Variants in HEPACAM2 observed in about 807,000 individuals in gnomAD.
HEPACAM2 encodes the protein mitotic kinetics regulator.
A neutral mutation model predicts 49.6 loss-of-function variants in HEPACAM2; 49 were observed. The observed-to-expected ratio is 0.99, with a 90% CI of 0.78 to 1.25. The LOEUF is 1.25. HEPACAM2 is among the 50% of genes most tolerant of loss of function. The pLI, the probability that HEPACAM2 is intolerant of heterozygous loss-of-function variation, is 0.00. For missense variants in HEPACAM2, 525 were observed against 557.2 expected (o/e 0.94, Z 0.58); for synonymous variants, 197 against 202.9 (o/e 0.97, Z 0.25).
chr7:93,213,140 C>G (rs1794218784), intron 3 of HEPACAM2, among the ~76,000 whole-genome samples: 1 of 151,806 alleles, frequency 6.6e-6, no homozygotes, highest in Non-Finnish European at 1.5e-5. Context: ...CTTTTTTCCC[C>G]TTTAATTTTT....
intron 4 of HEPACAM2, among the ~76,000 whole-genome samples, chr7:93,198,806 C>T (rs1283214732): frequency 6.6e-6 from 1 of 152,062 alleles, no homozygotes; most frequent in African/African-American, 2.4e-5. Flanking sequence ...TGCACTGTGT[C>T]ATCTTTCATC....
intron 4 of HEPACAM2, among the ~76,000 whole-genome samples, chr7:93,207,815 C>T (rs549228423): frequency 1.3e-5 from 2 of 151,674 alleles, no homozygotes; most frequent in East Asian, 2.0e-4. Flanking sequence ...GCTGGGTGTA[C>T]GGTTTTAGAG....
chr7:93,231,524 T>C, the HEPACAM2 span, among the ~76,000 whole-genome samples: 1 of 152,254 alleles, frequency 6.6e-6, no homozygotes, highest in Non-Finnish European at 1.5e-5. Context: ...TAGCAGTTCC[T>C]GACAGGTACT....
At chr7:93,208,510 G>C in intron 4 of HEPACAM2, 70 bp downstream of exon 4, 1 of 1,304,994 alleles carries the variant, frequency 7.7e-7, no homozygotes, top group Non-Finnish European at 1.1e-6. Flanking sequence ...CTAGGTATAA[G>C]ATAGGGGAAG....
chr7:93,196,782 G>C (rs1793734851), intron 7 of HEPACAM2, among the ~76,000 whole-genome samples: 1 of 152,182 alleles, frequency 6.6e-6, no homozygotes, highest in Non-Finnish European at 1.5e-5. Flanking sequence ...GAGGGTTACA[G>C]TGGGGACAAA....
chr7:93,209,774 A>G (rs118188580), intron 3 of HEPACAM2, among the ~76,000 whole-genome samples: 1 of 151,868 alleles, frequency 6.6e-6, no homozygotes, highest in Non-Finnish European at 1.5e-5. Flanking sequence ...AGTATTATCT[A>G]TTTTTCTTCT....
At chr7:93,199,014 G>C (rs1015856197) in intron 4 of HEPACAM2, among the ~76,000 whole-genome samples, 2 of 151,860 alleles carry the variant, frequency 1.3e-5, no homozygotes, top group African/African-American at 4.8e-5. Flanking sequence ...CATGGAAATC[G>C]GTTATCTCTT....
intron 8 of HEPACAM2, among the ~76,000 whole-genome samples, chr7:93,193,959 G>T (rs1793620053): frequency 6.6e-6 from 1 of 151,956 alleles, no homozygotes; most frequent in Non-Finnish European, 1.5e-5. Flanking sequence ...CTCCTCCTTT[G>T]GTTGTTGGTC....
At chr7:93,217,874 GTC>G (rs1317364790) in intron 2 of HEPACAM2, among the ~76,000 whole-genome samples, 6 of 132,244 alleles carry the variant, frequency 4.5e-5, no homozygotes, top group African/African-American at 1.5e-4. Flanking sequence ...GAGCATGTGT[GTC>G]TGTGTGTGTG....
chr7:93,225,965 GA>G, intron 1 of HEPACAM2: 1 of 1,261,162 alleles, frequency 7.9e-7, no homozygotes, highest in Non-Finnish European at 1.1e-6. Flanking sequence ...TAATTAAAAA[GA>G]AAACAATTTT....
chr7:93,230,452 A>G (rs1338850521), upstream of HEPACAM2, among the ~76,000 whole-genome samples: 4 of 152,242 alleles, frequency 2.6e-5, no homozygotes, highest in Non-Finnish European at 5.9e-5. Flanking sequence ...CCTCAGGTGA[A>G]TCTGAACAGT....
At chr7:93,194,939 T>TTTTTTTTTC in intron 8 of HEPACAM2, among the ~76,000 whole-genome samples, 1 of 149,902 alleles carries the variant, frequency 6.7e-6, no homozygotes, top group Non-Finnish European at 1.5e-5. Context: ...TTTTTTTTTT[T>TTTTTTTTTC]CCGGACTGAA....
chr7:93,204,324 CTCTA>C (rs67856013), intron 4 of HEPACAM2, among the ~76,000 whole-genome samples: 63,713 of 147,420 alleles, frequency 0.43, 13,732 homozygotes, highest in Admixed American at 0.44. Context: ...CATAAACATT[CTCTA>C]TCTATCTATC....
upstream of HEPACAM2, among the ~76,000 whole-genome samples, chr7:93,228,984 ATTAC>A (rs1794584985): frequency 6.6e-6 from 1 of 152,172 alleles, no homozygotes; most frequent in Non-Finnish European, 1.5e-5. Flanking sequence ...GCAGACTGGT[ATTAC>A]TTCATACAGT....
At chr7:93,221,485 C>G (rs976838267) in intron 1 of HEPACAM2, among the ~76,000 whole-genome samples, 2 of 152,132 alleles carry the variant, frequency 1.3e-5, no homozygotes, top group Non-Finnish European at 2.9e-5. Flanking sequence ...TAGGCCTGTT[C>G]CTATGAGGAA....
the HEPACAM2 span, among the ~76,000 whole-genome samples, chr7:93,231,648 C>A: frequency 6.6e-6 from 1 of 152,124 alleles, no homozygotes; most frequent in Non-Finnish European, 1.5e-5. Flanking sequence ...AAAGACACTT[C>A]TGTTCCTTTC....
chr7:93,199,143 A>G (rs1475515718), intron 4 of HEPACAM2, among the ~76,000 whole-genome samples: 2 of 152,100 alleles, frequency 1.3e-5, no homozygotes, highest in East Asian at 3.9e-4. Context: ...TAAATTTCTG[A>G]CATGCGTTCA....
At chr7:93,210,968 G>A (rs530123778) in intron 3 of HEPACAM2, among the ~76,000 whole-genome samples, 1 of 151,774 alleles carries the variant, frequency 6.6e-6, no homozygotes. Context: ...TAAAAGTAAA[G>A]GCAAAAACAG....
intron 8 of HEPACAM2, among the ~76,000 whole-genome samples, chr7:93,194,221 C>A (rs1490562142): frequency 6.6e-6 from 1 of 152,164 alleles, no homozygotes; most frequent in Non-Finnish European, 1.5e-5. Flanking sequence ...TGATTAATCA[C>A]ATGGTAAGAT....
Sources: gnomAD v4.1 joint callset for allele counts (sites outside exome capture counted in the v4.1 genomes callset) on GRCh38, gnomAD v4.1.1 for gene constraint, MANE v1.5 for transcripts, NCBI Gene and HGNC (gene_info 2026-07-23, HGNC 2026-07-21) for gene names.